Variants in SOS2 observed in about 807,000 individuals in gnomAD.
SOS2 encodes the protein son of sevenless homolog 2.
SOS2 carries 65 observed loss-of-function variants against 148.2 expected under a neutral mutation model. The observed-to-expected ratio is 0.44, with a 90% CI of 0.36 to 0.54. SOS2 has a LOEUF of 0.54. Ranked by LOEUF, SOS2 falls within the 20% of genes least tolerant of loss-of-function variation. The pLI is 0.00. For missense variants in SOS2, 1,341 were observed against 1,590.2 expected, an observed-to-expected ratio of 0.84 and a Z score of 2.67; for synonymous variants, 539 against 537.1, an observed-to-expected ratio of 1.00 and a Z score of -0.05.
At chr14:50,128,220 G>A (rs1008290522) in intron 21 of SOS2, among the ~76,000 whole-genome samples, 5 of 152,022 alleles carry the variant, frequency 3.3e-5, no homozygotes, top group African/African-American at 1.2e-4. Flanking sequence ...TGACAGCAGG[G>A]TCAATACCTG....
At chr14:50,141,448 G>T (rs1456297543) in intron 16 of SOS2, among the ~76,000 whole-genome samples, 1 of 151,634 alleles carries the variant, frequency 6.6e-6, no homozygotes, top group Non-Finnish European at 1.5e-5. Flanking sequence ...TTGAGCCTGG[G>T]AATAGGAGGC....
At chr14:50,217,533 T>C (rs967289999) in intron 1 of SOS2, among the ~76,000 whole-genome samples, 1 of 152,098 alleles carries the variant, frequency 6.6e-6, no homozygotes, top group Non-Finnish European at 1.5e-5. Flanking sequence ...ACCCTGTCTC[T>C]ATTTTTGAAA....
At position 50,188,645 on chromosome 14, in the gene SOS2, T is replaced by C; in HGVS notation, c.566A>G (p.Asp189Gly). Residue 189 changes from aspartate (D) to glycine (G), a missense_variant, in exon 5 of 23, where the codon GAT becomes GGT. Physicochemically the swap from Asp to Gly is moderately conservative, Grantham distance 94. Around this residue, in one of 4 missense-constraint regions of SOS2, gnomAD observed 574 missense variants for 711.1 expected, o/e 0.81. Transcript: ENST00000216373. ...DDIGLVSLCE[D>G]EPSSSGELNY... is the part of the protein sequence containing the mutation. ...TAATTCACCAGAAGAACTAGGTTCA[T>C]CTTCACAGAGAGAAACCAAACCTAT... 6.2e-7 allele frequency: 1 copy of C among 1,611,080 alleles called. No individual in the cohort carries two copies. Among genetic ancestry groups the C allele is most frequent in the Non-Finnish European group, 8.5e-7 (1 of 1,178,896 alleles).
Position 50,118,483 on chromosome 14 carries a change from G to A in SOS2, c.3860C>T (p.Pro1287Leu). 1 of 1,614,124 alleles carries A rather than the reference G, an allele frequency of 6.2e-7. No individual in the cohort carries two copies. Among genetic ancestry groups the A allele is most frequent in the Non-Finnish European group, 8.5e-7 (1 of 1,180,012 alleles). ...LSSSQNNLAH[P>L]PAPPVPPRQN... ...CCTTGGTGGAACAGGGGGAGCTGGA[G>A]GATGAGCAAGATTATTCTGACTAGA... Residue 1287 changes from proline (P) to leucine (L), a missense_variant, in exon 23 of 23, where the codon CCT becomes CTT. Pro to Leu is a moderately conservative substitution (Grantham distance 98). Coordinates refer to ENST00000216373, the MANE Select transcript of SOS2 (RefSeq NM_006939.4).
At chr14:50,130,456 A>G (rs1188835699) in intron 20 of SOS2, 45 bp downstream of exon 20, 2 of 1,534,570 alleles carry the variant, frequency 1.3e-6, no homozygotes, top group East Asian at 4.5e-5. Context: ...ATTATCTGAG[A>G]CACAGGATTC....
At chr14:50,228,138 T>C (rs916486170) in intron 1 of SOS2, among the ~76,000 whole-genome samples, 3 of 151,166 alleles carry the variant, frequency 2.0e-5, no homozygotes, top group Non-Finnish European at 4.4e-5. Context: ...GCCTAGCAGG[T>C]TCAAGTGATT....
At chr14:50,120,832 C>T (rs981017980) in intron 21 of SOS2, among the ~76,000 whole-genome samples, 4 of 151,420 alleles carry the variant, frequency 2.6e-5, no homozygotes, top group Non-Finnish European at 5.9e-5. Context: ...CTCCGCCTCC[C>T]GGGTTCAAGC....
intron 1 of SOS2, among the ~76,000 whole-genome samples, chr14:50,225,704 G>A (rs1278440358): frequency 6.6e-6 from 1 of 152,122 alleles, no homozygotes. Context: ...TCCAGAACAG[G>A]CTCATGTCAC....
At chr14:50,229,242 T>TA (rs1887465842) in intron 1 of SOS2, among the ~76,000 whole-genome samples, 1 of 152,106 alleles carries the variant, frequency 6.6e-6, no homozygotes, top group African/African-American at 2.4e-5. Context: ...TCCAAAAATA[T>TA]AAAAAAATTT....
At position 50,139,110 on chromosome 14, in the gene SOS2, A is replaced by G. The variant is rs539315704; in HGVS notation, c.2786-326T>C. Among the ~76,000 whole-genome samples the G allele has an allele frequency of 2.0e-5, 3 of 152,314 alleles. No homozygotes were observed. In the South Asian group the frequency reaches 6.2e-4, roughly 32 times the overall value. On this transcript the variant is annotated intron_variant, in intron 17 of 22. Transcript: ENST00000216373. ...ATTGTGTTAAATCTATTCTGACCAA[A>G]TATTTTAATATTTGATTATAAATAT... is the stretch of plus-strand genomic sequence containing the variant.
chr14:50,215,362 T>C (rs1887014216), intron 1 of SOS2: 2 of 1,271,294 alleles, frequency 1.6e-6, no homozygotes, highest in Non-Finnish European at 2.0e-6. Flanking sequence ...ACACACAATG[T>C]TAAAATCTCA....
chr14:50,125,478 A>G (rs1420372221), intron 21 of SOS2, among the ~76,000 whole-genome samples: 3 of 152,220 alleles, frequency 2.0e-5, no homozygotes, highest in African/African-American at 7.2e-5. Flanking sequence ...TGACATTTCC[A>G]CCACAGAACA....
At chr14:50,186,410 C>T (rs144775648) in intron 5 of SOS2, among the ~76,000 whole-genome samples, 29 of 152,222 alleles carry the variant, frequency 1.9e-4, no homozygotes, top group African/African-American at 7.0e-4. Flanking sequence ...CTTCATACCA[C>T]TAGAGACAAA....
At chr14:50,161,149 T>G (rs1884994031) in intron 9 of SOS2, among the ~76,000 whole-genome samples, 1 of 151,844 alleles carries the variant, frequency 6.6e-6, no homozygotes, top group Non-Finnish European at 1.5e-5. Context: ...AAAAATTAGC[T>G]GGGCATGGTG....
intron 4 of SOS2, among the ~76,000 whole-genome samples, chr14:50,188,986 C>G (rs1187012515): frequency 6.7e-6 from 1 of 150,286 alleles, no homozygotes; most frequent in Non-Finnish European, 1.5e-5. Context: ...ATTGCTTGAG[C>G]CTGGGAGGTC....
intron 18 of SOS2, among the ~76,000 whole-genome samples, chr14:50,135,746 A>T (rs2139537018): frequency 6.8e-6 from 1 of 146,782 alleles, no homozygotes; most frequent in East Asian, 2.0e-4. Flanking sequence ...CTTATTTTAC[A>T]AAATACAAAT....
intron 8 of SOS2, among the ~76,000 whole-genome samples, chr14:50,173,247 C>T (rs577224597): frequency 1.1e-4 from 17 of 152,186 alleles, no homozygotes; most frequent in African/African-American, 3.4e-4. Context: ...ACGACTTTTT[C>T]CGTCTAATCC....
At chr14:50,203,388 A>AT (rs1886560337) in intron 2 of SOS2, among the ~76,000 whole-genome samples, 1 of 152,030 alleles carries the variant, frequency 6.6e-6, no homozygotes, top group Non-Finnish European at 1.5e-5. Context: ...AATGAAAATA[A>AT]TTTTTGATAG....
chr14:50,201,196 A>G, intron 2 of SOS2, 112 bp from the exon 3 acceptor site: 1 of 988,616 alleles, frequency 1.0e-6, no homozygotes, highest in South Asian at 1.6e-5. Context: ...TAATAGTGAC[A>G]CAATACATTC....
Sources: gnomAD v4.1 joint callset for allele counts (sites outside exome capture counted in the v4.1 genomes callset) on GRCh38, gnomAD v4.1.1 for gene constraint, gnomAD v4.1.1 regional missense constraint, MANE v1.5 for transcripts, NCBI Gene and HGNC (gene_info 2026-07-23, HGNC 2026-07-21) for gene names.